CACNA1C: variants seen among roughly 807,000 people sequenced by gnomAD.
CACNA1C encodes calcium voltage-gated channel subunit alpha1 C, also known as voltage-dependent L-type calcium channel subunit alpha-1C.
In CACNA1C, 30 loss-of-function variants were observed where a neutral mutation model predicts 229.0. That is an observed-to-expected ratio of 0.13 (90% CI 0.10 to 0.18). CACNA1C has a LOEUF of 0.18. CACNA1C is among the 10% of genes least tolerant of loss of function. CACNA1C has a pLI of 1.00. For synonymous variants in CACNA1C, 1,114 were observed against 1,132.5 expected, an observed-to-expected ratio of 0.98 and a Z score of 0.33; for missense variants, 1,658 against 2,845.0, an observed-to-expected ratio of 0.58 and a Z score of 9.49.
At chr12:2,408,980 T>C (rs1567514656) in intron 3 of CACNA1C, among the ~76,000 whole-genome samples, 1 of 152,198 alleles carries the variant, frequency 6.6e-6, no homozygotes, top group Non-Finnish European at 1.5e-5. Flanking sequence ...AATGTTGCAA[T>C]AATACTAATC....
rs751585499 is a variant in CACNA1C, at chr12:2,681,953, A to G, written c.5445-597A>G. 3.8e-6 allele frequency: 6 copies of G among 1,578,902 alleles called. 1 individual carries two copies. The South Asian group carries it at 6.6e-5, about 17-fold the overall frequency. ...TGACCTGACCCTGTCCCAGCAGGGA[A>G]AGGCACGTTCCGATGTGTGAGGATC... On this transcript the variant is annotated intron_variant, in intron 42 of 46. Transcript: ENST00000399655.
At chr12:1,986,585 G>A (rs1050244047) in intron 1 of CACNA1C, among the ~76,000 whole-genome samples, 4 of 152,092 alleles carry the variant, frequency 2.6e-5, no homozygotes, top group African/African-American at 9.7e-5. Context: ...CTGGCTTCAC[G>A]GTAGGGGTAG....
chr12:2,502,974 C>T (rs2099763988), intron 7 of CACNA1C, among the ~76,000 whole-genome samples: 1 of 152,184 alleles, frequency 6.6e-6, no homozygotes, highest in Non-Finnish European at 1.5e-5. Flanking sequence ...CTGCTTTGTT[C>T]ATAACTCTCC....
chr12:2,436,524 G>A (rs1162369326), intron 3 of CACNA1C, among the ~76,000 whole-genome samples: 1 of 152,200 alleles, frequency 6.6e-6, no homozygotes, highest in African/African-American at 2.4e-5. Flanking sequence ...TGGGCTGATG[G>A]CTGTAGATCT....
intron 5 of CACNA1C, among the ~76,000 whole-genome samples, chr12:2,469,002 T>G (rs1309161151): frequency 6.6e-6 from 1 of 152,242 alleles, no homozygotes; most frequent in Non-Finnish European, 1.5e-5. Flanking sequence ...TTAGTTAGTT[T>G]AGTTTTGTTT....
intron 13 of CACNA1C, among the ~76,000 whole-genome samples, chr12:2,572,482 T>TTCCTCCTCCTTCTCCTCTTCC (rs2055877774): frequency 2.3e-5 from 1 of 43,698 alleles, no homozygotes; most frequent in African/African-American, 1.0e-4. Context: ...CCTTCTCCTC[T>TTCCTCCTCCTTCTCCTCTTCC]TCCTCCTCCT....
chr12:2,149,820 C>T (rs886905361), intron 3 of CACNA1C, among the ~76,000 whole-genome samples: 11 of 152,164 alleles, frequency 7.2e-5, no homozygotes, highest in Admixed American at 7.2e-4. Context: ...CCGGTGGATC[C>T]GGAGGCCTGA....
At chr12:2,684,803 T>A (rs542271386) in intron 43 of CACNA1C, among the ~76,000 whole-genome samples, 45 of 152,074 alleles carry the variant, frequency 3.0e-4, no homozygotes, top group East Asian at 1.7e-3. Flanking sequence ...GAGTAAGAGC[T>A]AGTCTTGAAG....
intron 3 of CACNA1C, among the ~76,000 whole-genome samples, chr12:2,429,334 T>C (rs2239073): frequency 0.5 from 75,366 of 151,896 alleles, 19,189 homozygotes; most frequent in African/African-American, 0.62. Context: ...TTCAACCCAG[T>C]GCCAGCCTGG....
chr12:2,218,771 G>A (rs2060655605), intron 3 of CACNA1C, among the ~76,000 whole-genome samples: 1 of 152,198 alleles, frequency 6.6e-6, no homozygotes, highest in African/African-American at 2.4e-5. Context: ...ATACAAAACA[G>A]GGAGGTTCTC....
At chr12:2,241,807 A>T (rs1447803473) in intron 3 of CACNA1C, among the ~76,000 whole-genome samples, 1 of 152,208 alleles carries the variant, frequency 6.6e-6, no homozygotes, top group Middle Eastern at 3.4e-3. Context: ...GTTATGTTTG[A>T]TCCCCTGCTG....
At chr12:2,025,697 C>T (rs905506547) in intron 1 of CACNA1C, among the ~76,000 whole-genome samples, 1 of 152,138 alleles carries the variant, frequency 6.6e-6, no homozygotes, top group Non-Finnish European at 1.5e-5. Context: ...CCTAAAATAC[C>T]AGCCTTGGGA....
intron 5 of CACNA1C, among the ~76,000 whole-genome samples, chr12:2,462,243 C>G (rs2099512095): frequency 6.7e-6 from 1 of 150,000 alleles, no homozygotes; most frequent in Admixed American, 6.6e-5. Flanking sequence ...CCTTGGCCCC[C>G]ACCTCGGCTC....
intron 43 of CACNA1C, among the ~76,000 whole-genome samples, chr12:2,684,293 GT>G: frequency 6.6e-6 from 1 of 152,232 alleles, no homozygotes; most frequent in East Asian, 1.9e-4. Flanking sequence ...GTGCCTTCGT[GT>G]CCCCATCAGC....
At chr12:2,052,923 G>GGCGGGC (rs1442743365), upstream of CACNA1C, 30 of 951,646 alleles carry the variant, frequency 3.2e-5, no homozygotes, top group South Asian at 2.4e-4. Context: ...CGCGGGCAGG[G>GGCGGGC]GCGGGCGCGG....
rs1452520335 is a variant in CACNA1C at position 2,647,771 on chromosome 12, G to T, written c.3913-704G>T. On this transcript the variant is annotated intron_variant, in intron 30 of 46. Transcript: ENST00000399655. This position sits in a 1 kb window ranked among gnomAD's most constrained non-coding sequence, Gnocchi z 4.2. ...CTGTCCTTCAGCTGGCCCTGCCTGGGGTAAGCTAAAGTGCACAAAGCCTAA... is the reference window on the plus strand; with the variant it reads ...CTGTCCTTCAGCTGGCCCTGCCTGGTGTAAGCTAAAGTGCACAAAGCCTAA... Among the ~76,000 whole-genome samples, 1 of 152,078 alleles carries T rather than the reference G, an allele frequency of 6.6e-6. No homozygotes were observed. The highest frequency in any genetic ancestry group is 1.5e-5 in the Non-Finnish European group (1 of 68,004).
Position 2,346,245 on chromosome 12 carries a change from CTCTG to C in CACNA1C, c.478-102725_478-102722del, listed in dbSNP as rs1353480310. The stretch of plus-strand genomic sequence containing the variant: ...CATCTCTGTGTGTGTCTGTGTGTGT[CTCTG>C]TCTGTGCATCTCTCGTATGTGCCTG... On this transcript the variant is annotated intron_variant, in intron 3 of 46. Transcript: ENST00000399655. The surrounding 1 kb of genome is among the most constrained non-coding windows in gnomAD (Gnocchi z 4.4). 8.6e-5 allele frequency among the ~76,000 whole-genome samples: 13 copies of C among 152,008 alleles called. No homozygotes were observed. Among genetic ancestry groups the C allele is most frequent in the Middle Eastern group, 3.4e-3 (1 of 294 alleles).
At position 2,597,180 on chromosome 12, in the gene CACNA1C, T is replaced by C; in HGVS notation, c.2794-50T>C. 8.2e-7 allele frequency: 1 copy of C among 1,226,230 alleles called. No individual in the cohort carries two copies. The highest frequency in any genetic ancestry group is 2.3e-5 in the East Asian group (1 of 43,046). 76.0% of individuals were successfully genotyped at this position (1,226,230 alleles called of 1,614,324 possible). On this transcript the variant is annotated intron_variant, in intron 20 of 46. Transcript: ENST00000399655. This position sits in a 1 kb window ranked among gnomAD's most constrained non-coding sequence, Gnocchi z 4.3. Reference sequence around the variant, plus strand: ...CCACTGACCTCTCTTCCCGTCCTGCTTTTCTCCCTTCCCCATCCCATCCCC... The same window carrying C: ...CCACTGACCTCTCTTCCCGTCCTGCCTTTCTCCCTTCCCCATCCCATCCCC...
chr12:2,359,060 C>G (rs2097479695), intron 3 of CACNA1C, among the ~76,000 whole-genome samples: 1 of 152,194 alleles, frequency 6.6e-6, no homozygotes, highest in Admixed American at 6.5e-5. Flanking sequence ...CATATCATCC[C>G]CATGAGAAAG....
Sources: gnomAD v4.1 joint callset for allele counts (sites outside exome capture counted in the v4.1 genomes callset) on GRCh38, gnomAD v4.1.1 for gene constraint, Gnocchi (gnomAD v3.1) non-coding constraint, MANE v1.5 for transcripts, NCBI Gene and HGNC (gene_info 2026-07-23, HGNC 2026-07-21) for gene names.